TOM1L2: variants seen among roughly 807,000 people sequenced by gnomAD.
The protein encoded by TOM1L2 is target of myb1 like 2 membrane trafficking protein, also known as TOM1-like protein 2.
TOM1L2 carries 31 observed loss-of-function variants against 67.9 expected under a neutral mutation model. That is an observed-to-expected ratio of 0.46 (90% confidence interval 0.34 to 0.62). The LOEUF (loss-of-function observed/expected upper bound fraction) is 0.62, where lower values mean the gene tolerates loss of function less well. TOM1L2 is among the 20% of genes least tolerant of loss of function. The probability of loss-of-function intolerance (pLI) is 0.01; values close to 1 mark genes in which losing one functional copy is unlikely to be tolerated. For synonymous variants in TOM1L2, 256 were observed against 254.0 expected (o/e 1.01, Z -0.07); for missense variants, 606 against 663.5 (o/e 0.91, Z 0.95).
intron 3 of TOM1L2, among the ~76,000 whole-genome samples, chr17:17,896,780 C>T (rs1276185315): frequency 6.6e-6 from 1 of 152,196 alleles, no homozygotes; most frequent in African/African-American, 2.4e-5. Flanking sequence ...GCAGAGAGCC[C>T]CTCAGGGCTT....
At chr17:17,954,697 G>A (rs951397940) in intron 1 of TOM1L2, among the ~76,000 whole-genome samples, 5 of 152,210 alleles carry the variant, frequency 3.3e-5, no homozygotes, top group Admixed American at 1.3e-4. Context: ...GTTCCAGAGT[G>A]TAGAAAGGGA....
chr17:17,949,068 A>G (rs1482717874), intron 1 of TOM1L2, among the ~76,000 whole-genome samples: 1 of 152,220 alleles, frequency 6.6e-6, no homozygotes, highest in Non-Finnish European at 1.5e-5. Flanking sequence ...ATGAGGTGAA[A>G]GCAGGTCAGG....
chr17:17,889,464 C>T (rs2038163692), intron 4 of TOM1L2, among the ~76,000 whole-genome samples: 1 of 152,126 alleles, frequency 6.6e-6, no homozygotes, highest in South Asian at 2.1e-4. Context: ...GGAGCCCAAC[C>T]TCCCCCTTCC....
At chr17:17,879,775 A>C in intron 6 of TOM1L2, 32 bp from the exon 7 acceptor site, 2 of 1,549,452 alleles carry the variant, frequency 1.3e-6, no homozygotes, top group Non-Finnish European at 1.8e-6. Flanking sequence ...GAAAGCAGGA[A>C]GGAAAGGTCA....
chr17:17,911,666 T>C (rs961289437), intron 1 of TOM1L2, among the ~76,000 whole-genome samples: 2 of 151,998 alleles, frequency 1.3e-5, no homozygotes, highest in Admixed American at 1.3e-4. Flanking sequence ...TTAATTTTTT[T>C]ATTTTTTATT....
intron 4 of TOM1L2, among the ~76,000 whole-genome samples, chr17:17,892,102 A>T (rs1013634216): frequency 6.6e-6 from 1 of 152,080 alleles, no homozygotes; most frequent in Non-Finnish European, 1.5e-5. Flanking sequence ...TGAGACAGAG[A>T]GTGTGTGTGC....
At chr17:17,848,155 C>T (rs1381955817) in intron 14 of TOM1L2, among the ~76,000 whole-genome samples, 1 of 152,176 alleles carries the variant, frequency 6.6e-6, no homozygotes, top group Non-Finnish European at 1.5e-5. Flanking sequence ...CACCCTTGCC[C>T]ACCAATGGAG....
At chr17:17,911,004 C>A (rs2039324140) in intron 1 of TOM1L2, among the ~76,000 whole-genome samples, 1 of 152,324 alleles carries the variant, frequency 6.6e-6, no homozygotes, top group East Asian at 1.9e-4. Flanking sequence ...TCTGAAGTCA[C>A]TATATTTAAC....
intron 1 of TOM1L2, among the ~76,000 whole-genome samples, chr17:17,941,180 G>T (rs1326879885): frequency 6.6e-6 from 1 of 152,130 alleles, no homozygotes; most frequent in Non-Finnish European, 1.5e-5. Context: ...TTTGGGGAGG[G>T]GCTACTGGCC....
At chr17:17,848,267 C>T (rs569128363) in intron 14 of TOM1L2, among the ~76,000 whole-genome samples, 2 of 152,130 alleles carry the variant, frequency 1.3e-5, no homozygotes, top group African/African-American at 2.4e-5. Flanking sequence ...TCCCTCCCTG[C>T]GGAGCGGTCT....
intron 1 of TOM1L2, among the ~76,000 whole-genome samples, chr17:17,958,759 G>A (rs1488054047): frequency 6.6e-6 from 1 of 152,190 alleles, no homozygotes; most frequent in Non-Finnish European, 1.5e-5. Flanking sequence ...AGAGATAAGT[G>A]TCTTTTGTAT....
Position 17,907,534 on chromosome 17 carries a change from G to A in TOM1L2, c.53-3C>T. ...CAGGGAGCCATCTGTTGCCTTTTCT[G>A]TGAAATCAGAGAGAAAATGGGTTTA... On this transcript the variant is annotated splice_region_variant and splice_polypyrimidine_tract_variant and intron_variant, in intron 1 of 14. Coordinates refer to ENST00000379504, the MANE Select transcript of TOM1L2 (RefSeq NM_001082968.2). The A allele has an allele frequency of 6.2e-7, 1 of 1,613,552 alleles. No homozygotes were observed. The highest frequency in any genetic ancestry group is 8.5e-7 in the Non-Finnish European group (1 of 1,179,700).
intron 12 of TOM1L2, among the ~76,000 whole-genome samples, chr17:17,852,800 G>C (rs553140823): frequency 1.1e-4 from 16 of 149,172 alleles, no homozygotes; most frequent in African/African-American, 4.0e-4. Flanking sequence ...GGGAGGCAGA[G>C]GTTGCAGTGA....
At chr17:17,923,369 C>T (rs1180645604) in intron 1 of TOM1L2, among the ~76,000 whole-genome samples, 3 of 152,114 alleles carry the variant, frequency 2.0e-5, no homozygotes, top group African/African-American at 7.2e-5. Flanking sequence ...CCACTGCATT[C>T]CAGTCTGGGC....
At chr17:17,950,009 T>C (rs1376265156) in intron 1 of TOM1L2, among the ~76,000 whole-genome samples, 1 of 152,108 alleles carries the variant, frequency 6.6e-6, no homozygotes, top group Non-Finnish European at 1.5e-5. Context: ...TAGCTGGGAC[T>C]ACAGGCGCCC....
rs1357879937 is a variant in TOM1L2 at position 17,850,905 on chromosome 17, G to A, written c.1326C>T (p.Leu442=). 4 of 1,614,072 alleles carry A rather than the reference G, an allele frequency of 2.5e-6. No individual in the cohort carries two copies. The South Asian group carries it at 3.3e-5, about 13-fold the overall frequency. Residue 442 remains leucine, a synonymous_variant, in exon 13 of 15, where the codon CTC becomes CTT. Coordinates refer to ENST00000379504, the MANE Select transcript of TOM1L2 (RefSeq NM_001082968.2). ...AGTCGAGTCTCACCAGGTCGGTCCT[G>A]AGCCACACCTCAATGTCGTCCATGA... ...PSVMDDIEVW[L]RTDLKGDDLE...
chr17:17,925,720 T>G (rs951020851), intron 1 of TOM1L2, among the ~76,000 whole-genome samples: 3 of 147,484 alleles, frequency 2.0e-5, no homozygotes, highest in African/African-American at 7.5e-5. Flanking sequence ...CCAGATGTGG[T>G]AACGCATGCC....
intron 7 of TOM1L2, chr17:17,871,906 G>C (rs1260421562): frequency 2.3e-6 from 2 of 860,720 alleles, no homozygotes; most frequent in African/African-American, 1.8e-5. Flanking sequence ...GTGAATACGG[G>C]ATCTTAATTG....
At chr17:17,867,018 C>G (rs2036885824) in intron 8 of TOM1L2, 94 bp from the exon 9 acceptor site, 2 of 1,170,966 alleles carry the variant, frequency 1.7e-6, no homozygotes, top group Admixed American at 3.5e-5. Context: ...ATCCCTGGGA[C>G]CAAGACCAGC....
Sources: allele counts gnomAD v4.1 joint callset (sites outside exome capture counted in the v4.1 genomes callset), GRCh38; gene constraint gnomAD v4.1.1; transcripts MANE v1.5; gene names NCBI Gene and HGNC (gene_info 2026-07-23, HGNC 2026-07-21).